Variants in PASD1 observed in about 807,000 individuals in gnomAD.
The protein encoded by PASD1 is PAS domain containing repressor 1, also known as circadian clock protein PASD1.
PASD1 carries 13 observed loss-of-function variants against 58.8 expected under a neutral mutation model. The observed-to-expected ratio is 0.22, with a 90% CI of 0.14 to 0.35. The LOEUF (loss-of-function observed/expected upper bound fraction) is 0.35, where lower values mean the gene tolerates loss of function less well. Among genes scored for constraint, PASD1 ranks in the 10% least tolerant of loss-of-function variants. The probability of loss-of-function intolerance (pLI) is 1.00; values close to 1 mark genes in which losing one functional copy is unlikely to be tolerated. For missense variants in PASD1, 734 were observed against 568.3 expected, an observed-to-expected ratio of 1.29 and a Z score of -2.96; for synonymous variants, 236 against 216.7, an observed-to-expected ratio of 1.09 and a Z score of -0.78.
At chrX:151,654,058 T>C (rs985186454) in intron 9 of PASD1, among the ~76,000 whole-genome samples, 1 of 102,566 alleles carries the variant, frequency 9.7e-6, no homozygotes. Flanking sequence ...CAACTTCTGC[T>C]TCCCAGGCTC....
chrX:151,673,909 C>T lies in PASD1; in HGVS notation c.1917-19C>T. 1 of 1,209,725 alleles carries T rather than the reference C, an allele frequency of 8.3e-7. No homozygotes were observed. Among genetic ancestry groups the T allele is most frequent in the Non-Finnish European group, 1.1e-6 (1 of 893,919 alleles). On this transcript the variant is annotated intron_variant, in intron 14 of 15. Coordinates refer to ENST00000370357, the MANE Select transcript of PASD1 (RefSeq NM_173493.3). Reference sequence around the variant, plus strand: ...CATGTCCAGATCCACATCACTGCAACAGCTTTCTTCTCTTACAGTTTTTAT... The same window carrying T: ...CATGTCCAGATCCACATCACTGCAATAGCTTTCTTCTCTTACAGTTTTTAT...
At chrX:151,601,928 C>A (rs2124252718) in intron 2 of PASD1, among the ~76,000 whole-genome samples, 1 of 112,278 alleles carries the variant, frequency 8.9e-6, no homozygotes, top group Admixed American at 9.4e-5. Context: ...AGCTTAAATT[C>A]ATTTGTGTTT....
At chrX:151,626,009 T>C (rs892687506) in intron 8 of PASD1, among the ~76,000 whole-genome samples, 3 of 111,864 alleles carry the variant, frequency 2.7e-5, no homozygotes, top group African/African-American at 9.8e-5. Context: ...CCAGCTCATA[T>C]AATTCACATT....
intron 11 of PASD1, among the ~76,000 whole-genome samples, chrX:151,664,730 A>G (rs950991660): frequency 1.8e-5 from 2 of 111,955 alleles, no homozygotes; most frequent in African/African-American, 6.5e-5. Flanking sequence ...GAGGGAAGAC[A>G]ACTTTCTGGC....
chrX:151,648,745 T>C, intron 9 of PASD1, 43 bp downstream of exon 9: 2 of 1,170,544 alleles, frequency 1.7e-6, no homozygotes, highest in Non-Finnish European at 1.2e-6. Context: ...TAGACCCTTA[T>C]CCGTGTGATG....
At chrX:151,618,929 G>T (rs1260886248) in intron 4 of PASD1, among the ~76,000 whole-genome samples, 1 of 111,418 alleles carries the variant, frequency 9.0e-6, no homozygotes, top group Non-Finnish European at 1.9e-5. Context: ...AAAGACTTTG[G>T]CTTTTATTCA....
At chrX:151,651,025 A>T (rs1006290571) in intron 9 of PASD1, among the ~76,000 whole-genome samples, 2 of 111,769 alleles carry the variant, frequency 1.8e-5, no homozygotes, top group Middle Eastern at 4.2e-3. Context: ...TGAGGAAGCT[A>T]CTTGAAGTGG....
chrX:151,613,762 A>G (rs1018359324), intron 4 of PASD1, among the ~76,000 whole-genome samples: 9 of 111,709 alleles, frequency 8.1e-5, no homozygotes, highest in African/African-American at 2.9e-4. Context: ...GATGTTTTCA[A>G]TGTTGTCAAA....
chrX:151,604,604 T>C (rs756641177), intron 2 of PASD1, 42 bp from the exon 3 acceptor site: 1 of 993,897 alleles, frequency 1.0e-6, no homozygotes, highest in Non-Finnish European at 1.4e-6. Context: ...CTAATCATTT[T>C]AATGTGACAC....
At chrX:151,601,217 C>T (rs1225761085) in intron 1 of PASD1, among the ~76,000 whole-genome samples, 1 of 111,402 alleles carries the variant, frequency 9.0e-6, no homozygotes, top group Non-Finnish European at 1.9e-5. Context: ...AATTAAAATA[C>T]AAATATTTGG....
At chrX:151,647,677 T>C (rs1341708444) in intron 8 of PASD1, among the ~76,000 whole-genome samples, 1 of 110,831 alleles carries the variant, frequency 9.0e-6, no homozygotes, top group African/African-American at 3.3e-5. Flanking sequence ...GTATTTTGGA[T>C]ATCCGAAATA....
rs1299314221 is a variant in PASD1, at chrX:151,641,167, C to T, written c.630-7448C>T. ...TGAGGAAATACCACCAAGTGCTGTT[C>T]GGTGTTTTTCCTCTTTTGATGTGTT... On this transcript the variant is annotated intron_variant, in intron 8 of 15. Coordinates refer to ENST00000370357, the MANE Select transcript of PASD1 (RefSeq NM_173493.3). 22 of 109,210 alleles carry T rather than the reference C, an allele frequency of 2.0e-4. 1 individual carries two copies. The highest frequency in any genetic ancestry group is 1.9e-3 in the Admixed American group (19 of 10,212). 9.0% of individuals were successfully genotyped at this position (109,210 alleles called of 1,213,427 possible).
intron 3 of PASD1, among the ~76,000 whole-genome samples, chrX:151,607,143 T>C (rs1185880051): frequency 8.9e-6 from 1 of 112,061 alleles, no homozygotes; most frequent in African/African-American, 3.2e-5. Context: ...TTTGTATTTT[T>C]AGGACATGTG....
intron 8 of PASD1, among the ~76,000 whole-genome samples, chrX:151,629,731 A>G (rs1262007075): frequency 1.8e-5 from 2 of 112,317 alleles, no homozygotes; most frequent in Non-Finnish European, 3.8e-5. Flanking sequence ...CAGCACACTG[A>G]CATGCTCTTG....
At chrX:151,577,086 C>T (rs914404684) in intron 1 of PASD1, among the ~76,000 whole-genome samples, 8 of 111,223 alleles carry the variant, frequency 7.2e-5, no homozygotes, top group East Asian at 5.7e-4. Flanking sequence ...CTTAGTTATA[C>T]GGGAGGCTTA....
intron 11 of PASD1, among the ~76,000 whole-genome samples, chrX:151,668,831 A>G (rs1248242244): frequency 9.2e-6 from 1 of 108,837 alleles, no homozygotes; most frequent in Non-Finnish European, 1.9e-5. Flanking sequence ...CAATAGAAAA[A>G]GAGGGAATCC....
chrX:151,662,478 T>A (rs931386058), intron 10 of PASD1, among the ~76,000 whole-genome samples: 21 of 111,395 alleles, frequency 1.9e-4, no homozygotes, highest in African/African-American at 5.6e-4. Context: ...GAGTGGTATT[T>A]AGAAACGAAG....
intron 8 of PASD1, among the ~76,000 whole-genome samples, chrX:151,635,420 A>T (rs754848372): frequency 1.8e-5 from 2 of 112,056 alleles, no homozygotes; most frequent in African/African-American, 6.5e-5. Flanking sequence ...ATGTATGTGT[A>T]CCTTTGTGTA....
At chrX:151,590,735 C>T (rs906888207) in intron 1 of PASD1, among the ~76,000 whole-genome samples, 8 of 110,587 alleles carry the variant, frequency 7.2e-5, no homozygotes, top group Non-Finnish European at 1.5e-4. Context: ...TGCGCGCCAT[C>T]ATGCCCAGCT....
Sources: gnomAD v4.1 joint callset for allele counts (sites outside exome capture counted in the v4.1 genomes callset) on GRCh38, gnomAD v4.1.1 for gene constraint, MANE v1.5 for transcripts, NCBI Gene and HGNC (gene_info 2026-07-23, HGNC 2026-07-21) for gene names.